Variants in ZNF503 observed in about 807,000 individuals in gnomAD.
The protein encoded by ZNF503 is NocA-like zinc finger 2.
Under a neutral mutation model 34.4 loss-of-function variants are expected in ZNF503, and 15 were observed. That is an observed-to-expected ratio of 0.44 (90% confidence interval 0.29 to 0.67). The LOEUF is 0.67. Among genes scored for constraint, ZNF503 ranks in the 30% least tolerant of loss-of-function variants. The pLI, the probability that ZNF503 is intolerant of heterozygous loss-of-function variation, is 0.13. For missense variants in ZNF503, 1,007 were observed against 926.8 expected (o/e 1.09, Z -1.12); for synonymous variants, 580 against 456.8 (o/e 1.27, Z -3.44).
the ZNF503 span, among the ~76,000 whole-genome samples, chr10:75,330,577 GT>G: frequency 6.6e-6 from 1 of 152,090 alleles, no homozygotes; most frequent in South Asian, 2.1e-4. Context: ...GTCAATCTTG[GT>G]AGGTTGTATG....
In ZNF503 at chr10:75,399,515, G is replaced by A. The variant is rs757916580; in HGVS notation, c.1175C>T (p.Ala392Val). The A allele has an allele frequency of 2.5e-6, 4 of 1,580,052 alleles. No homozygotes were observed. Among genetic ancestry groups the A allele is most frequent in the South Asian group, 2.2e-5 (2 of 89,232 alleles). The change falls in exon 2 of 2, where the codon GCG becomes GTG. Residue 392 changes from alanine (A) to valine (V), a missense_variant. Physicochemically the swap from Ala to Val is moderately conservative, Grantham distance 64 (BLOSUM62 0). Transcript: ENST00000372524. ...DPTKPGSLVG[A>V]QLAAAAAGSL... ...CCCGGCCGCGGCCGCCGCCAGCTGC[G>A]CCCCCACCAGGCTGCCCGGCTTGGT...
chr10:75,391,956 C>A, the ZNF503 span, among the ~76,000 whole-genome samples: 2 of 152,116 alleles, frequency 1.3e-5, no homozygotes, highest in South Asian at 2.1e-4. Flanking sequence ...CAGGATAGAT[C>A]AAAGGAAAGG....
At chr10:75,373,651 C>T in the ZNF503 span, among the ~76,000 whole-genome samples, 1 of 152,206 alleles carries the variant, frequency 6.6e-6, no homozygotes, top group Non-Finnish European at 1.5e-5. Context: ...GCCCTGGGTT[C>T]TGCCACTGGT....
chr10:75,396,858 G>T (rs937152542), downstream of ZNF503, among the ~76,000 whole-genome samples: 5 of 152,082 alleles, frequency 3.3e-5, no homozygotes, highest in Admixed American at 2.0e-4. This position sits in a 1 kb window ranked among gnomAD's most constrained non-coding sequence, Gnocchi z 4.4. Context: ...AAAAGGGACT[G>T]AGACTTTTTT....
chr10:75,312,179 C>G, the ZNF503 span, among the ~76,000 whole-genome samples: 2 of 152,116 alleles, frequency 1.3e-5, no homozygotes, highest in African/African-American at 4.8e-5. Context: ...TGTACTCTAG[C>G]CTGGGTGACA....
the ZNF503 span, among the ~76,000 whole-genome samples, chr10:75,308,190 T>C: frequency 2.7e-5 from 3 of 112,438 alleles, no homozygotes; most frequent in African/African-American, 7.2e-5. Context: ...TGGGTGACAA[T>C]ACATCTTTTT....
At chr10:75,372,992 A>G in the ZNF503 span, among the ~76,000 whole-genome samples, 1 of 152,146 alleles carries the variant, frequency 6.6e-6, no homozygotes, top group African/African-American at 2.4e-5. Flanking sequence ...CTTCCAGAGG[A>G]AGGAAAGAAG....
chr10:75,399,241 C>T lies in ZNF503; in HGVS notation c.1449G>A (p.Thr483=), dbSNP rs1482952569. ...HPLHGVHSSL[T]AAAAAGATPP... is the part of the protein sequence containing the mutation. ...GTGTGGCGCCAGCAGCCGCGGCGGCCGTTAGCGAGGAGTGCACACCGTGCA... is the reference window on the plus strand; with the variant it reads ...GTGTGGCGCCAGCAGCCGCGGCGGCTGTTAGCGAGGAGTGCACACCGTGCA... The change falls in exon 2 of 2, where the codon ACG becomes ACA. Residue 483 remains threonine (T), a synonymous_variant. Coordinates refer to ENST00000372524, the MANE Select transcript of ZNF503 (RefSeq NM_032772.6). 4 of 1,590,762 alleles carry T rather than the reference C, an allele frequency of 2.5e-6. No homozygotes were observed. The highest frequency in any genetic ancestry group is 3.4e-6 in the Non-Finnish European group (4 of 1,167,724).
downstream of ZNF503, among the ~76,000 whole-genome samples, chr10:75,394,361 CA>C (rs1406345823): frequency 6.6e-6 from 1 of 152,220 alleles, no homozygotes; most frequent in Non-Finnish European, 1.5e-5. Context: ...CAGATGTGAG[CA>C]GGTCAGCCTG....
chr10:75,339,366 A>G, the ZNF503 span, among the ~76,000 whole-genome samples: 2 of 152,246 alleles, frequency 1.3e-5, no homozygotes, highest in African/African-American at 4.8e-5. Flanking sequence ...AATGGGGGCT[A>G]GAGTCAGGCA....
At chr10:75,334,522 A>C in the ZNF503 span, among the ~76,000 whole-genome samples, 1 of 152,344 alleles carries the variant, frequency 6.6e-6, no homozygotes, top group Admixed American at 6.5e-5. Flanking sequence ...TTGAGGCTCT[A>C]GATAACACTT....
At chr10:75,378,905 G>T in the ZNF503 span, among the ~76,000 whole-genome samples, 2,867 of 152,178 alleles carry the variant, frequency 0.019, 114 homozygotes, top group African/African-American at 0.065. Context: ...AGCAAAAGAA[G>T]CTGCAATTTC....
At chr10:75,308,250 A>T in the ZNF503 span, among the ~76,000 whole-genome samples, 2 of 149,048 alleles carry the variant, frequency 1.3e-5, no homozygotes, top group African/African-American at 5.0e-5. Context: ...GCAAGACAGC[A>T]CATCTGTTTA....
At chr10:75,302,932 A>G in the ZNF503 span, among the ~76,000 whole-genome samples, 2 of 152,184 alleles carry the variant, frequency 1.3e-5, no homozygotes, top group Non-Finnish European at 2.9e-5. Context: ...AGTCTTCATT[A>G]AAAATATTTC....
chr10:75,330,744 T>G, the ZNF503 span, among the ~76,000 whole-genome samples: 3 of 152,250 alleles, frequency 2.0e-5, no homozygotes, highest in Admixed American at 2.0e-4. Flanking sequence ...CTTTTTTTTC[T>G]TGGTTTGTTT....
chr10:75,339,678 C>A, the ZNF503 span, among the ~76,000 whole-genome samples: 1 of 152,040 alleles, frequency 6.6e-6, no homozygotes, highest in African/African-American at 2.4e-5. Flanking sequence ...CTTGGTGATG[C>A]CCCAAGGAGG....
At chr10:75,384,631 C>T in the ZNF503 span, among the ~76,000 whole-genome samples, 2 of 152,164 alleles carry the variant, frequency 1.3e-5, no homozygotes, top group South Asian at 2.1e-4. Context: ...AGCAGGGACA[C>T]AGCCCTGTAG....
At chr10:75,365,204 A>G in the ZNF503 span, among the ~76,000 whole-genome samples, 3 of 152,166 alleles carry the variant, frequency 2.0e-5, no homozygotes, top group Admixed American at 2.0e-4. Flanking sequence ...GCTGGAGTGC[A>G]GTGGAGTGAT....
At chr10:75,310,699 T>C in the ZNF503 span, among the ~76,000 whole-genome samples, 1 of 152,178 alleles carries the variant, frequency 6.6e-6, no homozygotes, top group African/African-American at 2.4e-5. Flanking sequence ...GTGGAGACCA[T>C]GTGAGAAGCT....
Sources: gnomAD v4.1 joint callset for allele counts (sites outside exome capture counted in the v4.1 genomes callset) on GRCh38, gnomAD v4.1.1 for gene constraint, Gnocchi (gnomAD v3.1) non-coding constraint, MANE v1.5 for transcripts, NCBI Gene and HGNC (gene_info 2026-07-23, HGNC 2026-07-21) for gene names.